Variants in PLGRKT observed in about 807,000 individuals in gnomAD.
The protein encoded by PLGRKT is plasminogen receptor with a C-terminal lysine.
Under a neutral mutation model 18.5 loss-of-function variants are expected in PLGRKT, and 22 were observed. The ratio of observed to expected loss-of-function variants is 1.19; its 90% CI spans 0.85 to 1.70. The LOEUF (loss-of-function observed/expected upper bound fraction) is 1.70. PLGRKT is among the 40% of genes most tolerant of loss of function. The probability of loss-of-function intolerance (pLI) is 0.00; values close to 1 mark genes in which losing one functional copy is unlikely to be tolerated. For synonymous variants in PLGRKT, 72 were observed against 52.8 expected, an observed-to-expected ratio of 1.36 and a Z score of -1.58; for missense variants, 235 against 174.4, an observed-to-expected ratio of 1.35 and a Z score of -1.96.
Position 5,362,626 on chromosome 9 carries a change from C to A in PLGRKT, c.82-738G>T, listed in dbSNP as rs189327987. On this transcript the variant is annotated intron_variant, in intron 3 of 5. Transcript: ENST00000223864. ...TGATGTTTTAATTCTAAAATCTTGG[C>A]ACTACATGTCATTAGCCAAGCTAGA... Among the ~76,000 whole-genome samples, 674 of 152,284 alleles carry A rather than the reference C, an allele frequency of 4.4e-3. 2 individuals carry two copies. Among genetic ancestry groups the A allele is most frequent in the Non-Finnish European group, 7.3e-3 (496 of 68,026 alleles).
At chr9:5,404,401 A>G (rs1818216705) in intron 3 of PLGRKT, among the ~76,000 whole-genome samples, 1 of 152,212 alleles carries the variant, frequency 6.6e-6, no homozygotes, top group African/African-American at 2.4e-5. Context: ...AGCCAAAACC[A>G]GCAGCACATC....
rs1346192497 is a variant in PLGRKT at position 5,418,555 on chromosome 9, A to G, written c.81+13342T>C. 9.7e-6 allele frequency: 8 copies of G among 823,570 alleles called. No individual in the cohort carries two copies. Among genetic ancestry groups the G allele is most frequent in the African/African-American group, 6.7e-5 (4 of 59,586 alleles). The allele number at this position is 823,570 out of a possible 1,614,324, so 51.0% of individuals were successfully genotyped here. A position where few individuals can be genotyped will look rare whatever the true frequency, so the allele number is the denominator to read the frequency against. ...CACCCCCTGGGGAGCCCTGCCTTGC[A>G]GAGGCTGCTGTCCAGCAGGGATGGT... On this transcript the variant is annotated intron_variant, in intron 3 of 5. Coordinates refer to ENST00000223864, the MANE Select transcript of PLGRKT (RefSeq NM_018465.4). The surrounding 1 kb of genome is among the most constrained non-coding windows in gnomAD (Gnocchi z 4.2).
intron 3 of PLGRKT, among the ~76,000 whole-genome samples, chr9:5,385,262 C>T (rs1462429382): frequency 6.6e-6 from 1 of 151,964 alleles, no homozygotes; most frequent in African/African-American, 2.4e-5. Context: ...ATTGCTTAAG[C>T]CTTCATAACT....
At chr9:5,371,814 A>T (rs779011977) in intron 3 of PLGRKT, among the ~76,000 whole-genome samples, 3 of 151,928 alleles carry the variant, frequency 2.0e-5, no homozygotes, top group Non-Finnish European at 4.4e-5. Context: ...CATTTTAAAG[A>T]GTACATATTT....
intron 3 of PLGRKT, among the ~76,000 whole-genome samples, chr9:5,363,256 G>A (rs981346957): frequency 9.9e-5 from 15 of 151,872 alleles, no homozygotes; most frequent in African/African-American, 3.1e-4. Flanking sequence ...CCTGGACAGC[G>A]CCACATGATG....
At chr9:5,403,633 G>T (rs552896669) in intron 3 of PLGRKT, among the ~76,000 whole-genome samples, 1 of 152,190 alleles carries the variant, frequency 6.6e-6, no homozygotes, top group South Asian at 2.1e-4. Context: ...CAATATCACC[G>T]TATTAACCAG....
intron 3 of PLGRKT, among the ~76,000 whole-genome samples, chr9:5,395,314 T>A (rs1470322936): frequency 1.3e-5 from 2 of 151,924 alleles, no homozygotes; most frequent in African/African-American, 4.9e-5. Context: ...AACTATAAAA[T>A]GAATCTTCTC....
At chr9:5,411,244 C>A (rs1400278749) in intron 3 of PLGRKT, among the ~76,000 whole-genome samples, 2 of 151,706 alleles carry the variant, frequency 1.3e-5, no homozygotes, top group Admixed American at 6.6e-5. Flanking sequence ...ATTAGCCGGG[C>A]CACAGTGGCA....
intron 3 of PLGRKT, among the ~76,000 whole-genome samples, chr9:5,391,667 T>G (rs1389433122): frequency 3.3e-5 from 5 of 151,916 alleles, no homozygotes; most frequent in Admixed American, 6.5e-5. Flanking sequence ...AGAGTAAGGC[T>G]AGCTCTTCTC....
intron 3 of PLGRKT, among the ~76,000 whole-genome samples, chr9:5,424,482 T>C (rs1409448069): frequency 7.8e-6 from 1 of 128,128 alleles, no homozygotes; most frequent in Admixed American, 8.8e-5. Flanking sequence ...TATTATAAAA[T>C]ATAATATATA....
At chr9:5,378,837 G>C (rs944350219) in intron 3 of PLGRKT, among the ~76,000 whole-genome samples, 3 of 152,076 alleles carry the variant, frequency 2.0e-5, no homozygotes, top group Non-Finnish European at 4.4e-5. Context: ...GAAAAATGTA[G>C]TGATATTAAG....
intron 3 of PLGRKT, among the ~76,000 whole-genome samples, chr9:5,389,184 T>C (rs1817900045): frequency 6.6e-6 from 1 of 151,870 alleles, no homozygotes; most frequent in Non-Finnish European, 1.5e-5. Context: ...AAGATTTACT[T>C]AGAAGCAGGA....
At chr9:5,380,943 G>C (rs1218131902) in intron 3 of PLGRKT, among the ~76,000 whole-genome samples, 2 of 152,138 alleles carry the variant, frequency 1.3e-5, no homozygotes, top group East Asian at 3.9e-4. Flanking sequence ...ATGATAGTGA[G>C]CGAGTTCTCA....
intron 3 of PLGRKT, among the ~76,000 whole-genome samples, chr9:5,399,490 T>C (rs1818115402): frequency 7.2e-5 from 11 of 151,830 alleles, no homozygotes; most frequent in Admixed American, 7.2e-4. Flanking sequence ...GATTGTCCGG[T>C]CCTTGCAAGT....
chr9:5,424,632 A>G (rs1366179795), intron 3 of PLGRKT, among the ~76,000 whole-genome samples: 2 of 117,902 alleles, frequency 1.7e-5, no homozygotes, highest in African/African-American at 6.9e-5. Flanking sequence ...ATATTATATT[A>G]ATATATTTAC....
In PLGRKT at chr9:5,398,483, T is replaced by C. The variant is rs189343668; in HGVS notation, c.81+33414A>G. On this transcript the variant is annotated intron_variant, in intron 3 of 5. Coordinates refer to ENST00000223864, the MANE Select transcript of PLGRKT (RefSeq NM_018465.4). ...ACAGAGAAACAAGCTGTGATCTTCCTTTTTTGTAGCAAGTGCTTTGAATCT... is the reference window on the plus strand; with the variant it reads ...ACAGAGAAACAAGCTGTGATCTTCCCTTTTTGTAGCAAGTGCTTTGAATCT... 5.5e-4 allele frequency among the ~76,000 whole-genome samples: 84 copies of C among 152,034 alleles called. 3 individuals are homozygous for C. The highest frequency in any genetic ancestry group is 1.9e-3 in the African/African-American group (77 of 41,330).
chr9:5,405,390 G>A (rs892487787), intron 3 of PLGRKT, among the ~76,000 whole-genome samples: 5 of 152,154 alleles, frequency 3.3e-5, no homozygotes, highest in African/African-American at 9.7e-5. Context: ...AAACAGCATG[G>A]TACTGGTATT....
intron 3 of PLGRKT, among the ~76,000 whole-genome samples, chr9:5,425,773 A>G (rs901900202): frequency 6.6e-6 from 1 of 152,216 alleles, no homozygotes; most frequent in Admixed American, 6.5e-5. Flanking sequence ...GGGTTGAATC[A>G]TGAGTGGTCT....
In PLGRKT at chr9:5,374,903, T is replaced by C. The variant is rs372876777; in HGVS notation, c.82-13015A>G. Among the ~76,000 whole-genome samples, 23 of 152,320 alleles carry C rather than the reference T, an allele frequency of 1.5e-4. No individual in the cohort carries two copies. In the East Asian group the frequency reaches 1.5e-3, roughly 10 times the overall value. Reference sequence around the variant, plus strand: ...CTGAAAAAAAGTCATTATTTTTACATGCTATTATGTTCTGATTTGTATAAA... The same window carrying C: ...CTGAAAAAAAGTCATTATTTTTACACGCTATTATGTTCTGATTTGTATAAA... On this transcript the variant is annotated intron_variant, in intron 3 of 5. Transcript: ENST00000223864.
Sources: gnomAD v4.1 joint callset for allele counts (sites outside exome capture counted in the v4.1 genomes callset) on GRCh38, gnomAD v4.1.1 for gene constraint, Gnocchi (gnomAD v3.1) non-coding constraint, MANE v1.5 for transcripts, NCBI Gene and HGNC (gene_info 2026-07-23, HGNC 2026-07-21) for gene names.